The following NRXN1 variants were observed in gnomAD, a reference collection of about 807,000 sequenced individuals.
NRXN1 encodes neurexin-1.
In NRXN1, 39 loss-of-function variants were observed where a neutral mutation model predicts 150.9. The observed-to-expected ratio is 0.26, with a 90% CI of 0.20 to 0.34. The LOEUF is 0.34. NRXN1 is among the 10% of genes least tolerant of loss of function. NRXN1 has a pLI of 1.00. For synonymous variants in NRXN1, 924 were observed against 757.0 expected (o/e 1.22, Z -3.62); for missense variants, 1,815 against 1,949.9 (o/e 0.93, Z 1.30).
At chr2:50,017,042 G>A (rs754708012) in intron 21 of NRXN1, among the ~76,000 whole-genome samples, 1 of 152,126 alleles carries the variant, frequency 6.6e-6, no homozygotes, top group Non-Finnish European at 1.5e-5. Context: ...TTTGGAGACA[G>A]AGGATGTGTT....
intron 5 of NRXN1, among the ~76,000 whole-genome samples, chr2:50,884,222 T>C (rs185103525): frequency 6.6e-6 from 1 of 151,922 alleles, no homozygotes; most frequent in Non-Finnish European, 1.5e-5. Flanking sequence ...GACTCCTATC[T>C]TATCATTAGA....
chr2:50,381,013 T>C (rs962588003), intron 17 of NRXN1, among the ~76,000 whole-genome samples: 1 of 152,164 alleles, frequency 6.6e-6, no homozygotes, highest in Admixed American at 6.6e-5. Context: ...TGATGATTTA[T>C]TTGTCTCTAT....
chr2:50,012,058 G>A (rs1413657680), intron 21 of NRXN1, among the ~76,000 whole-genome samples: 2 of 151,978 alleles, frequency 1.3e-5, no homozygotes, highest in African/African-American at 4.8e-5. Flanking sequence ...ATAAAAGTTA[G>A]CATTTTTCTA....
intron 2 of NRXN1, among the ~76,000 whole-genome samples, chr2:50,961,791 C>G (rs1191534671): frequency 6.6e-6 from 1 of 151,536 alleles, no homozygotes; most frequent in Admixed American, 6.6e-5. Flanking sequence ...TCAGGGTCAA[C>G]AAGGAGGGAT....
At chr2:50,779,936 C>A (rs575554566) in intron 5 of NRXN1, among the ~76,000 whole-genome samples, 63 of 152,256 alleles carry the variant, frequency 4.1e-4, no homozygotes, top group African/African-American at 1.4e-3. Flanking sequence ...CCCTGAGGAA[C>A]CACCACACTG....
chr2:50,308,755 C>A (rs1327396236), intron 17 of NRXN1, among the ~76,000 whole-genome samples: 3 of 152,150 alleles, frequency 2.0e-5, no homozygotes, highest in African/African-American at 7.2e-5. Flanking sequence ...TCCAGACATT[C>A]ATTTTCATTG....
At chr2:50,221,100 G>T (rs2063849960) in intron 18 of NRXN1, among the ~76,000 whole-genome samples, 1 of 151,946 alleles carries the variant, frequency 6.6e-6, no homozygotes, top group African/African-American at 2.4e-5. Context: ...TATCTGTGCT[G>T]TGTGTCTTAC....
chr2:50,192,471 A>G (rs1304734961), intron 18 of NRXN1, among the ~76,000 whole-genome samples: 3 of 152,214 alleles, frequency 2.0e-5, no homozygotes, highest in Admixed American at 1.3e-4. Context: ...CAATTTAATG[A>G]CATGGGGATA....
chr2:51,012,987 G>C (rs911471361), intron 2 of NRXN1, among the ~76,000 whole-genome samples: 1 of 151,974 alleles, frequency 6.6e-6, no homozygotes, highest in Non-Finnish European at 1.5e-5. Flanking sequence ...GTATTTCACA[G>C]AGGAAGAACA....
At chr2:50,193,170 T>C (rs997682852) in intron 18 of NRXN1, among the ~76,000 whole-genome samples, 19 of 152,158 alleles carry the variant, frequency 1.2e-4, no homozygotes, top group Non-Finnish European at 2.8e-4. Context: ...TTCATAAAAA[T>C]AATTCCATTT....
chr2:50,344,138 T>C (rs1392044821), intron 17 of NRXN1, among the ~76,000 whole-genome samples: 1 of 152,130 alleles, frequency 6.6e-6, no homozygotes, highest in Non-Finnish European at 1.5e-5. Flanking sequence ...ACATCACCTC[T>C]TTCTTATTAG....
chr2:50,924,311 T>C (rs533747791), intron 3 of NRXN1, among the ~76,000 whole-genome samples: 1 of 151,832 alleles, frequency 6.6e-6, no homozygotes, highest in East Asian at 1.9e-4. Context: ...ATATTATAGA[T>C]AGAAATATTA....
intron 16 of NRXN1, chr2:50,466,330 T>C (rs1411682237): frequency 1.3e-5 from 5 of 378,476 alleles, no homozygotes; most frequent in Non-Finnish European, 2.6e-5. Flanking sequence ...TTGCACAACG[T>C]TCAAGAAAGG....
intron 8 of NRXN1, among the ~76,000 whole-genome samples, chr2:50,554,817 G>A (rs1364173738): frequency 6.6e-6 from 1 of 152,136 alleles, no homozygotes. Context: ...TTATCTTGGA[G>A]AAGGATTATA....
chr2:50,943,214 C>T (rs571622090), intron 2 of NRXN1, among the ~76,000 whole-genome samples: 1 of 152,196 alleles, frequency 6.6e-6, no homozygotes, highest in South Asian at 2.1e-4. Flanking sequence ...TCAATTAAAC[C>T]TCTTTTCTTT....
chr2:50,974,429 C>G (rs1384846740), intron 2 of NRXN1, among the ~76,000 whole-genome samples: 1 of 152,084 alleles, frequency 6.6e-6, no homozygotes, highest in Non-Finnish European at 1.5e-5. Flanking sequence ...ATGATTTGTG[C>G]TAAAGTAACT....
intron 17 of NRXN1, among the ~76,000 whole-genome samples, chr2:50,255,083 C>T (rs2067566883): frequency 6.6e-6 from 1 of 152,116 alleles, no homozygotes; most frequent in Non-Finnish European, 1.5e-5. Context: ...GCTGGTATTA[C>T]AGGTATAAGT....
In NRXN1 at chr2:50,419,380, T is replaced by A. The variant is rs1572900146; in HGVS notation, c.3364+46062A>T. Among the ~76,000 whole-genome samples the A allele has an allele frequency of 3.3e-5, 5 of 152,166 alleles. No homozygotes were observed. The South Asian group carries it at 1.0e-3, about 32-fold the overall frequency. On this transcript the variant is annotated intron_variant, in intron 17 of 22. Transcript: ENST00000401669. ...CTAAAGTTTCACAGCGAATAATTCA[T>A]CTCTGCATCAGCTGGACCCTGACCT...
intron 17 of NRXN1, among the ~76,000 whole-genome samples, chr2:50,272,042 C>T (rs1252803538): frequency 6.6e-6 from 1 of 152,058 alleles, no homozygotes; most frequent in Admixed American, 6.6e-5. Context: ...TTACAGAACT[C>T]AAAGTGCTTG....
Sources: gnomAD v4.1 joint callset for allele counts (sites outside exome capture counted in the v4.1 genomes callset) on GRCh38, gnomAD v4.1.1 for gene constraint, MANE v1.5 for transcripts, NCBI Gene and HGNC (gene_info 2026-07-23, HGNC 2026-07-21) for gene names.